DOCK9: variants seen among roughly 807,000 people sequenced by gnomAD.
The protein encoded by DOCK9 is dedicator of cytokinesis 9.
In DOCK9, 89 loss-of-function variants were observed where a neutral mutation model predicts 263.3. The observed-to-expected ratio is 0.34, with a 90% CI of 0.28 to 0.40. The LOEUF is 0.40. Ranked by LOEUF, DOCK9 falls within the 10% of genes least tolerant of loss-of-function variation. DOCK9 has a pLI of 1.00. For synonymous variants in DOCK9, 976 were observed against 973.1 expected, an observed-to-expected ratio of 1.00 and a Z score of -0.06; for missense variants, 2,140 against 2,603.4, an observed-to-expected ratio of 0.82 and a Z score of 3.87.
At chr13:99,009,035 C>G (rs142388497) in intron 1 of DOCK9, among the ~76,000 whole-genome samples, 1,737 of 152,334 alleles carry the variant, frequency 0.011, 32 homozygotes, top group South Asian at 0.056. Context: ...ATGTTTAAAA[C>G]AGCAGTTGTC....
At chr13:98,975,165 G>C (rs1320577815) in intron 1 of DOCK9, among the ~76,000 whole-genome samples, 2 of 152,098 alleles carry the variant, frequency 1.3e-5, no homozygotes, top group Non-Finnish European at 2.9e-5. Context: ...GATCTCCTGA[G>C]GTCAGGAGTT....
intron 10 of DOCK9, among the ~76,000 whole-genome samples, chr13:98,903,475 T>C (rs1288555601): frequency 2.0e-5 from 3 of 151,768 alleles, no homozygotes; most frequent in Non-Finnish European, 4.4e-5. Context: ...GCACCTGTGG[T>C]CCCAGCTACT....
chr13:98,922,347 G>A (rs2140101803), intron 5 of DOCK9, among the ~76,000 whole-genome samples: 1 of 152,236 alleles, frequency 6.6e-6, no homozygotes, highest in South Asian at 2.1e-4. Context: ...CTACATTTCT[G>A]AAAACTTTAT....
chr13:98,868,325 A>G lies in DOCK9; in HGVS notation c.2996T>C (p.Val999Ala), dbSNP rs2094098117. The G allele has an allele frequency of 1.2e-6, 2 of 1,613,734 alleles. No homozygotes were observed. Among genetic ancestry groups the G allele is most frequent in the Non-Finnish European group, 1.7e-6 (2 of 1,179,852 alleles). The stretch of plus-strand genomic sequence containing the variant: ...GATGTGTGGCATCAGCATATTTACA[A>G]CGGTTTCCACTGCATGATGATAGGA... ...PASYHHAVET[V>A]VNMLMPHITQ... Residue 999 changes from valine to alanine, a missense_variant, in exon 28 of 53, where the codon GTT becomes GCT. By Grantham distance (64) the Val-to-Ala change is moderately conservative. This residue lies in a region of DOCK9 where 1,521 missense variants were observed against 1,741.7 expected (regional missense o/e 0.87). Transcript: ENST00000682017.
chr13:98,952,701 A>G (rs986268837), intron 2 of DOCK9, among the ~76,000 whole-genome samples: 3 of 152,248 alleles, frequency 2.0e-5, no homozygotes, highest in Non-Finnish European at 4.4e-5. Flanking sequence ...GGATCTGACC[A>G]GTAAAGGCTC....
intron 22 of DOCK9, among the ~76,000 whole-genome samples, chr13:98,883,573 G>A (rs142901422): frequency 8.5e-5 from 13 of 152,202 alleles, no homozygotes; most frequent in Non-Finnish European, 1.8e-4. Context: ...AAAATTGATC[G>A]TGTACAAATA....
At chr13:98,957,475 G>A (rs1450962113) in intron 1 of DOCK9, among the ~76,000 whole-genome samples, 1 of 151,608 alleles carries the variant, frequency 6.6e-6, no homozygotes, top group Non-Finnish European at 1.5e-5. Context: ...GTGCTATGTG[G>A]ACAGAGACTA....
At chr13:98,921,208 A>G in intron 6 of DOCK9, 120 bp from the exon 7 acceptor site, 1 of 1,013,020 alleles carries the variant, frequency 9.9e-7, no homozygotes, top group Non-Finnish European at 1.4e-6. Context: ...ACTCTAGCTG[A>G]TGCTCCAGGT....
Position 98,829,466 on chromosome 13 carries a change from T to C in DOCK9, c.4806A>G (p.Leu1602=). The change falls in exon 43 of 53, where the codon CTA becomes CTG. Residue 1602 remains leucine (L), a synonymous_variant. Transcript: ENST00000682017. This position sits in a 1 kb window ranked among gnomAD's most constrained non-coding sequence, Gnocchi z 4.1. ...GCTCCTTCATCTGGGCGGTGGCCAT[T>C]AGCACCGTGCGTATCCTTTTGGTTA... ...KDLTKRIRTV[L]MATAQMKEHE... 3 of 1,613,944 alleles carry C rather than the reference T, an allele frequency of 1.9e-6. No individual in the cohort carries two copies. The highest frequency in any genetic ancestry group is 2.5e-6 in the Non-Finnish European group (3 of 1,179,876).
intron 3 of DOCK9, among the ~76,000 whole-genome samples, chr13:98,926,343 C>G (rs908285736): frequency 6.6e-6 from 1 of 152,206 alleles, no homozygotes; most frequent in Non-Finnish European, 1.5e-5. Flanking sequence ...CTAGCTAGCT[C>G]TGTTAGTTAA....
chr13:99,017,513 G>C (rs1328187365), intron 1 of DOCK9, among the ~76,000 whole-genome samples: 6 of 152,130 alleles, frequency 3.9e-5, no homozygotes, highest in Non-Finnish European at 8.8e-5. Flanking sequence ...TATTATTTGA[G>C]ATACAAAAGA....
chr13:99,026,119 G>T (rs1289975045), intron 1 of DOCK9, among the ~76,000 whole-genome samples: 2 of 152,092 alleles, frequency 1.3e-5, no homozygotes, highest in African/African-American at 4.8e-5. Flanking sequence ...AGGGCTAGGG[G>T]GTTGGGTGGA....
At chr13:99,052,715 G>A (rs577279215) in intron 1 of DOCK9, among the ~76,000 whole-genome samples, 5 of 151,504 alleles carry the variant, frequency 3.3e-5, no homozygotes, top group South Asian at 2.1e-4. Flanking sequence ...GTCCTCCTAC[G>A]TCAGACTCCT....
intron 1 of DOCK9, among the ~76,000 whole-genome samples, chr13:98,963,267 T>C (rs1004832922): frequency 2.0e-5 from 3 of 152,168 alleles, no homozygotes; most frequent in African/African-American, 7.2e-5. Flanking sequence ...CAGCATTTGC[T>C]GCTTAGGGTC....
chr13:99,006,261 C>T (rs768696106), intron 1 of DOCK9, among the ~76,000 whole-genome samples: 14 of 152,194 alleles, frequency 9.2e-5, no homozygotes, highest in Non-Finnish European at 1.0e-4. Context: ...ATAGTCCCTG[C>T]TGCTAGGAGT....
At chr13:98,976,110 C>A in intron 1 of DOCK9, among the ~76,000 whole-genome samples, 1 of 152,194 alleles carries the variant, frequency 6.6e-6, no homozygotes, top group East Asian at 1.9e-4. Context: ...AGAAACACTG[C>A]CCGATAAGAA....
rs1225856128 is a variant in DOCK9 at position 98,955,362 on chromosome 13, T to A, written c.243+73A>T. The stretch of plus-strand genomic sequence containing the variant: ...AATAATTAACTAACCAAACAATAAA[T>A]CAATACATAGAAAAATACTGCTTGT... On this transcript the variant is annotated intron_variant, in intron 2 of 52. Coordinates refer to ENST00000682017, the MANE Select transcript of DOCK9 (RefSeq NM_001366683.2). 7.2e-5 allele frequency: 71 copies of A among 986,106 alleles called. No individual in the cohort carries two copies. The Middle Eastern group carries it at 7.4e-4, about 10-fold the overall frequency. 61.1% of individuals were successfully genotyped at this position (986,106 alleles called of 1,614,324 possible).
At chr13:98,946,226 C>A (rs995487771) in intron 2 of DOCK9, among the ~76,000 whole-genome samples, 2 of 152,184 alleles carry the variant, frequency 1.3e-5, no homozygotes, top group African/African-American at 4.8e-5. Flanking sequence ...TTTAAACAGT[C>A]TCTCTAGCTA....
At chr13:98,905,813 G>T (rs1414011292) in intron 9 of DOCK9, among the ~76,000 whole-genome samples, 1 of 150,318 alleles carries the variant, frequency 6.7e-6, no homozygotes, top group Non-Finnish European at 1.5e-5. Context: ...ATTTCATTCA[G>T]AATCTAAAAT....
Sources: allele counts gnomAD v4.1 joint callset (sites outside exome capture counted in the v4.1 genomes callset), GRCh38; gene constraint gnomAD v4.1.1; regional missense constraint gnomAD v4.1.1; non-coding constraint Gnocchi (gnomAD v3.1); transcripts MANE v1.5; gene names NCBI Gene and HGNC (gene_info 2026-07-23, HGNC 2026-07-21).